Variants in MRPS21 observed in about 807,000 individuals in gnomAD.
MRPS21 encodes the protein small ribosomal subunit protein bS21m.
MRPS21 carries 8 observed loss-of-function variants against 9.9 expected under a neutral mutation model. That is an observed-to-expected ratio of 0.81 (90% CI 0.47 to 1.45). The LOEUF is 1.45. MRPS21 is among the 40% of genes most tolerant of loss of function. The pLI is 0.00. For synonymous variants in MRPS21, 40 were observed against 40.3 expected, an observed-to-expected ratio of 0.99 and a Z score of 0.03; for missense variants, 101 against 118.9, an observed-to-expected ratio of 0.85 and a Z score of 0.70.
intron 2 of MRPS21, among the ~76,000 whole-genome samples, chr1:150,300,400 G>T (rs947488761): frequency 4.6e-5 from 7 of 151,800 alleles, no homozygotes; most frequent in African/African-American, 1.7e-4. Context: ...TTTCATTTGT[G>T]TATCTCTTGG....
At position 150,308,172 on chromosome 1, in the gene MRPS21, C is replaced by A; in HGVS notation, c.208C>A (p.Arg70Ser). ...GCGGATCTACAACATGGAAATGGCT[C>A]GCAAGATCAACTTCTTGATGCGAAA... is the stretch of plus-strand genomic sequence containing the variant. Reference protein sequence around the residue: ...CRRIYNMEMARKINFLMRKNR... With the variant: ...CRRIYNMEMASKINFLMRKNR... Residue 70 changes from arginine (R) to serine (S), a missense_variant, in exon 3 of 3, where the codon CGC becomes AGC. Physicochemically the swap from Arg to Ser is moderately radical, Grantham distance 110 (BLOSUM62 -1). Transcript: ENST00000614145. The A allele has an allele frequency of 6.2e-7, 1 of 1,607,908 alleles. No individual in the cohort carries two copies.
At chr1:150,297,563 T>G (rs1367112505) in intron 2 of MRPS21, among the ~76,000 whole-genome samples, 15 of 150,644 alleles carry the variant, frequency 1.0e-4, no homozygotes, top group African/African-American at 3.4e-4. Flanking sequence ...CTCAGCTACT[T>G]GGGAGGCTGA....
chr1:150,302,771 C>T (rs1553857896), intron 2 of MRPS21, among the ~76,000 whole-genome samples: 3 of 152,142 alleles, frequency 2.0e-5, no homozygotes, highest in Non-Finnish European at 4.4e-5. Flanking sequence ...GCTTTTCTTG[C>T]ATCCTTTTCT....
At chr1:150,295,381 C>T (rs142112360) in intron 2 of MRPS21, among the ~76,000 whole-genome samples, 2,412 of 152,200 alleles carry the variant, frequency 0.016, 30 homozygotes, top group Middle Eastern at 0.051. Context: ...GGTCTAGTGA[C>T]GCACGCCACC....
intron 2 of MRPS21, among the ~76,000 whole-genome samples, chr1:150,298,342 T>G (rs954716306): frequency 6.6e-6 from 1 of 152,228 alleles, no homozygotes; most frequent in African/African-American, 2.4e-5. Flanking sequence ...CACTCTTTTT[T>G]TCTGACTTCT....
chr1:150,302,274 T>C (rs1002260289), intron 2 of MRPS21, among the ~76,000 whole-genome samples: 6 of 152,146 alleles, frequency 3.9e-5, no homozygotes, highest in Admixed American at 3.9e-4. Context: ...AGCCTACGTG[T>C]CTGTCCAGTG....
intron 2 of MRPS21, among the ~76,000 whole-genome samples, chr1:150,301,643 GTCTC>G (rs1254198279): frequency 1.3e-5 from 2 of 149,890 alleles, no homozygotes; most frequent in Non-Finnish European, 3.0e-5. Context: ...TTAATACGGA[GTCTC>G]TCTCTGTTGC....
chr1:150,300,966 G>C (rs1192323352), intron 2 of MRPS21, among the ~76,000 whole-genome samples: 1 of 152,132 alleles, frequency 6.6e-6, no homozygotes, highest in South Asian at 2.1e-4. Context: ...GGGAGGCCGA[G>C]GCGGGTGGAT....
chr1:150,306,018 T>G (rs1572152672), intron 2 of MRPS21, among the ~76,000 whole-genome samples: 1 of 152,276 alleles, frequency 6.6e-6, no homozygotes, highest in East Asian at 1.9e-4. Context: ...GGGTTCGGAA[T>G]GTTTAAAAGA....
chr1:150,303,849 A>C (rs1267106001), intron 2 of MRPS21: 1 of 455,590 alleles, frequency 2.2e-6, no homozygotes, highest in African/African-American at 2.0e-5. Context: ...CCCTTGTGCT[A>C]TGGACATTTA....
chr1:150,303,574 C>G (rs587715043), intron 2 of MRPS21, among the ~76,000 whole-genome samples: 2 of 152,286 alleles, frequency 1.3e-5, no homozygotes, highest in South Asian at 4.1e-4. Context: ...AAGCAGAATA[C>G]TGTTGTAGAG....
Position 150,294,443 on chromosome 1 carries a change from T to A in MRPS21, c.77T>A (p.Leu26Gln). Reference sequence around the variant, plus strand: ...AACGTGGAAAGCGCATACAGGACCCTAAACAGGTAACTGTTAAGGGACCAG... The same window carrying A: ...AACGTGGAAAGCGCATACAGGACCCAAAACAGGTAACTGTTAAGGGACCAG... ...EGNVESAYRT[L>Q]NRILTMDGLI... The change falls in exon 2 of 3, where the codon CTA (leucine) becomes CAA (glutamine). Residue 26 changes from leucine to glutamine, a missense_variant. Coordinates refer to ENST00000614145, the MANE Select transcript of MRPS21 (RefSeq NM_031901.6). The A allele has an allele frequency of 6.2e-7, 1 of 1,611,896 alleles. No individual in the cohort carries two copies. The highest frequency in any genetic ancestry group is 8.5e-7 in the Non-Finnish European group (1 of 1,178,124).
chr1:150,300,899 G>T (rs1553857539), intron 2 of MRPS21, among the ~76,000 whole-genome samples: 1 of 152,094 alleles, frequency 6.6e-6, no homozygotes, highest in Non-Finnish European at 1.5e-5. Context: ...AAGAGGAGTG[G>T]TTAGAAAAAT....
intron 2 of MRPS21, among the ~76,000 whole-genome samples, chr1:150,296,762 C>T (rs1653927685): frequency 6.7e-6 from 1 of 148,772 alleles, no homozygotes; most frequent in South Asian, 2.1e-4. Context: ...ATAATTATTA[C>T]TAGTCTTACT....
chr1:150,297,081 GGAC>G, intron 2 of MRPS21, among the ~76,000 whole-genome samples: 1 of 150,802 alleles, frequency 6.6e-6, no homozygotes, highest in East Asian at 2.0e-4. Context: ...CACGAGGTCA[GGAC>G]ATCGAGACCA....
Position 150,308,468 on chromosome 1 carries a change from C to A in MRPS21, c.*240C>A, listed in dbSNP as rs1186319606. On this transcript the variant is annotated 3_prime_UTR_variant, in exon 3 of 3. Transcript: ENST00000614145. ...GGAGTAGAATGGTATTTGCCAGGGA[C>A]TGGAGGAGGGGGCAGTGAGGAGTTA... The A allele has an allele frequency of 1.3e-5, 5 of 396,970 alleles. No individual in the cohort carries two copies. The highest frequency in any genetic ancestry group is 9.8e-5 in the African/African-American group (5 of 50,852). The allele number at this position is 396,970 out of a possible 1,614,324, so 24.6% of individuals were successfully genotyped here.
rs115256559 is a variant in MRPS21 at position 150,294,189 on chromosome 1, A to G, written c.-32-146A>G. 2,843 of 576,942 alleles carry G rather than the reference A, an allele frequency of 4.9e-3. 69 individuals are homozygous for G. The highest frequency in any genetic ancestry group is 0.048 in the African/African-American group (2,570 of 53,042). The allele number at this position is 576,942 out of a possible 1,614,324, so 35.7% of individuals were successfully genotyped here. On this transcript the variant is annotated intron_variant, in intron 1 of 2. Transcript: ENST00000614145. Reference sequence around the variant, plus strand: ...GAATAAGAGACAACGATTCACGTCTACTTTCTAGGATGACTTCCATGTGCT... The same window carrying G: ...GAATAAGAGACAACGATTCACGTCTGCTTTCTAGGATGACTTCCATGTGCT...
At chr1:150,302,469 C>CA (rs1276701817) in intron 2 of MRPS21, among the ~76,000 whole-genome samples, 1 of 152,134 alleles carries the variant, frequency 6.6e-6, no homozygotes, top group African/African-American at 2.4e-5. Flanking sequence ...CCTTCTGGGT[C>CA]CATTGAGTCC....
intron 2 of MRPS21, among the ~76,000 whole-genome samples, chr1:150,299,451 TG>T (rs1654034679): frequency 2.9e-4 from 44 of 152,002 alleles, no homozygotes; most frequent in South Asian, 6.2e-4. Flanking sequence ...GTTTTTTGTT[TG>T]TTTGTTTGTT....
Sources: allele counts gnomAD v4.1 joint callset (sites outside exome capture counted in the v4.1 genomes callset), GRCh38; gene constraint gnomAD v4.1.1; transcripts MANE v1.5; gene names NCBI Gene and HGNC (gene_info 2026-07-23, HGNC 2026-07-21).